The following SETBP1 variants were observed in gnomAD, a reference collection of about 807,000 sequenced individuals.
SETBP1 encodes the protein SET binding protein 1, also known as SET-binding protein.
SETBP1 carries 9 observed loss-of-function variants against 101.0 expected under a neutral mutation model. The ratio of observed to expected loss-of-function variants is 0.09; its 90% CI spans 0.05 to 0.16. The LOEUF (loss-of-function observed/expected upper bound fraction) is 0.16. SETBP1 is among the 10% of genes least tolerant of loss of function. The probability of loss-of-function intolerance (pLI) is 1.00; values close to 1 mark genes in which losing one functional copy is unlikely to be tolerated. For missense variants in SETBP1, 1,858 were observed against 2,033.8 expected (o/e 0.91, Z 1.66); for synonymous variants, 818 against 788.5 (o/e 1.04, Z -0.63).
intron 2 of SETBP1, among the ~76,000 whole-genome samples, chr18:44,768,909 A>G (rs1474624556): frequency 1.3e-5 from 2 of 152,250 alleles, no homozygotes. Flanking sequence ...ATGGGCAGAT[A>G]GACTCTTTTG....
intron 2 of SETBP1, among the ~76,000 whole-genome samples, chr18:44,825,331 T>C (rs2144410354): frequency 6.6e-6 from 1 of 152,332 alleles, no homozygotes; most frequent in East Asian, 1.9e-4. Flanking sequence ...CTGTGTTTGC[T>C]GGAAGCCAGA....
intron 2 of SETBP1, among the ~76,000 whole-genome samples, chr18:44,702,489 A>G (rs966989841): frequency 5.9e-5 from 9 of 152,338 alleles, no homozygotes; most frequent in Non-Finnish European, 1.2e-4. Flanking sequence ...AAAAATAGCT[A>G]TAGAATTGTA....
At chr18:44,826,956 T>C (rs1004782238) in intron 2 of SETBP1, among the ~76,000 whole-genome samples, 3 of 152,202 alleles carry the variant, frequency 2.0e-5, no homozygotes, top group African/African-American at 7.2e-5. Context: ...AACTACAGTT[T>C]CTTGAGCTTT....
chr18:44,731,604 A>G (rs144423689), intron 2 of SETBP1, among the ~76,000 whole-genome samples: 2 of 152,044 alleles, frequency 1.3e-5, no homozygotes, highest in African/African-American at 4.8e-5. Context: ...AATTATTCTG[A>G]TTTTAGAAGG....
chr18:44,682,905 G>A (rs1220204920), intron 1 of SETBP1, among the ~76,000 whole-genome samples: 1 of 152,124 alleles, frequency 6.6e-6, no homozygotes, highest in African/African-American at 2.4e-5. Context: ...CTGAGCTGGG[G>A]GAGGAGGTGG....
intron 2 of SETBP1, among the ~76,000 whole-genome samples, chr18:44,707,730 G>T (rs2069252610): frequency 6.6e-6 from 1 of 152,234 alleles, no homozygotes; most frequent in African/African-American, 2.4e-5. Flanking sequence ...GGGAAGAGAG[G>T]TTGGCATTAG....
chr18:44,879,876 T>C (rs2069490632), intron 3 of SETBP1, among the ~76,000 whole-genome samples: 1 of 152,244 alleles, frequency 6.6e-6, no homozygotes, highest in Admixed American at 6.5e-5. Flanking sequence ...ACTAACATTT[T>C]ATCTTTCACT....
chr18:44,920,809 G>A (rs184889463), intron 3 of SETBP1, among the ~76,000 whole-genome samples: 2 of 152,188 alleles, frequency 1.3e-5, no homozygotes, highest in Admixed American at 6.5e-5. Flanking sequence ...TGCTTTAAGA[G>A]TATACTGATA....
At chr18:44,888,628 A>G (rs1387643890) in intron 3 of SETBP1, among the ~76,000 whole-genome samples, 1 of 152,064 alleles carries the variant, frequency 6.6e-6, no homozygotes, top group Non-Finnish European at 1.5e-5. Context: ...ATACCTCTCT[A>G]TTATGTGAAT....
intron 3 of SETBP1, among the ~76,000 whole-genome samples, chr18:44,914,009 A>C (rs974882166): frequency 2.0e-5 from 3 of 152,224 alleles, no homozygotes; most frequent in African/African-American, 7.2e-5. Flanking sequence ...GATGAGGCTC[A>C]GACCTGGTCT....
intron 3 of SETBP1, among the ~76,000 whole-genome samples, chr18:44,918,731 T>A (rs781111123): frequency 3.3e-5 from 5 of 152,230 alleles, no homozygotes; most frequent in Non-Finnish European, 7.3e-5. Flanking sequence ...CAAAAGAAGA[T>A]GTACATAAAA....
Position 44,769,483 on chromosome 18 carries a change from G to T in SETBP1, c.486+67651G>T, listed in dbSNP as rs555640564. ...TTTCTTAGGAATGTGTCCATTAAAA[G>T]ATACCTATTTAGATTGCCTTGGCTT... On this transcript the variant is annotated intron_variant, in intron 2 of 5. Coordinates refer to ENST00000649279, the MANE Select transcript of SETBP1 (RefSeq NM_015559.3). Among the ~76,000 whole-genome samples the T allele has an allele frequency of 1.8e-4, 28 of 152,326 alleles. 1 individual carries two copies. The South Asian group carries it at 3.7e-3, about 20-fold the overall frequency.
chr18:44,973,732 G>A (rs993094774), intron 4 of SETBP1, among the ~76,000 whole-genome samples: 1 of 152,200 alleles, frequency 6.6e-6, no homozygotes, highest in Non-Finnish European at 1.5e-5. Context: ...AAAGAGGCAA[G>A]AAAATGCTGG....
intron 3 of SETBP1, among the ~76,000 whole-genome samples, chr18:44,903,900 ATGT>A (rs1226861610): frequency 6.6e-6 from 1 of 152,138 alleles, no homozygotes; most frequent in Non-Finnish European, 1.5e-5. Context: ...TGATAGTCTG[ATGT>A]TGTTATTTAA....
intron 2 of SETBP1, among the ~76,000 whole-genome samples, chr18:44,858,232 A>G (rs1319712200): frequency 2.0e-5 from 3 of 152,176 alleles, no homozygotes; most frequent in Non-Finnish European, 4.4e-5. Flanking sequence ...AGTATCTTCA[A>G]TGGTGAAGAA....
intron 2 of SETBP1, among the ~76,000 whole-genome samples, chr18:44,855,252 G>C (rs776898949): frequency 1.3e-5 from 2 of 151,450 alleles, no homozygotes; most frequent in Non-Finnish European, 2.9e-5. Flanking sequence ...TGAGAATAAG[G>C]ACTTTGGGTT....
chr18:44,706,197 T>G (rs1032265464), intron 2 of SETBP1, among the ~76,000 whole-genome samples: 1 of 152,118 alleles, frequency 6.6e-6, no homozygotes. Flanking sequence ...TTAAACTTAC[T>G]CAGGTAAGTG....
intron 3 of SETBP1, among the ~76,000 whole-genome samples, chr18:44,900,339 T>C (rs2144826428): frequency 1.3e-5 from 2 of 152,282 alleles, no homozygotes; most frequent in Middle Eastern, 6.8e-3. Context: ...AATTCAAGAA[T>C]GTCAAACTAA....
intron 1 of SETBP1, among the ~76,000 whole-genome samples, chr18:44,690,278 G>C (rs1385232783): frequency 2.0e-5 from 3 of 152,200 alleles, no homozygotes; most frequent in African/African-American, 7.2e-5. Flanking sequence ...ACAGAGAAAG[G>C]GAAGTGGAGC....
Sources: allele counts gnomAD v4.1 joint callset (sites outside exome capture counted in the v4.1 genomes callset), GRCh38; gene constraint gnomAD v4.1.1; transcripts MANE v1.5; gene names NCBI Gene and HGNC (gene_info 2026-07-23, HGNC 2026-07-21).